MSRA: variants seen among roughly 807,000 people sequenced by gnomAD.
The protein encoded by MSRA is mitochondrial peptide methionine sulfoxide reductase.
A neutral mutation model predicts 31.3 loss-of-function variants in MSRA; 54 were observed. The observed-to-expected ratio is 1.73, with a 90% CI of 1.39 to 2.17. The LOEUF (loss-of-function observed/expected upper bound fraction) is 2.17, where lower values mean the gene tolerates loss of function less well. Ranked by LOEUF, MSRA falls within the 30% of genes most tolerant of loss-of-function variation. The probability of loss-of-function intolerance (pLI) is 0.00; values close to 1 mark genes in which losing one functional copy is unlikely to be tolerated. For missense variants in MSRA, 507 were observed against 300.9 expected, an observed-to-expected ratio of 1.69 and a Z score of -5.07; for synonymous variants, 169 against 116.5, an observed-to-expected ratio of 1.45 and a Z score of -2.90.
intron 3 of MSRA, among the ~76,000 whole-genome samples, chr8:10,267,590 T>C (rs930051881): frequency 5.3e-5 from 8 of 152,134 alleles, no homozygotes; most frequent in African/African-American, 1.9e-4. Context: ...GTATTTAGCC[T>C]TCCATTGTGC....
At chr8:10,322,760 C>T (rs1802119680) in intron 5 of MSRA, among the ~76,000 whole-genome samples, 1 of 152,048 alleles carries the variant, frequency 6.6e-6, no homozygotes, top group African/African-American at 2.4e-5. Flanking sequence ...AATGAAACCC[C>T]AGTTGCTGAT....
At chr8:10,378,774 G>C (rs964675168) in intron 5 of MSRA, among the ~76,000 whole-genome samples, 12 of 152,228 alleles carry the variant, frequency 7.9e-5, no homozygotes, top group Admixed American at 2.0e-4. Context: ...CTGGGGGTGA[G>C]GCCCAGTAAT....
chr8:10,229,072 C>T (rs77153008), intron 2 of MSRA, among the ~76,000 whole-genome samples: 2 of 152,232 alleles, frequency 1.3e-5, no homozygotes, highest in Admixed American at 6.5e-5. Flanking sequence ...CATTCTATGA[C>T]CAAGTGAGAT....
At chr8:10,332,347 ATT>A (rs869107876) in intron 5 of MSRA, among the ~76,000 whole-genome samples, 1 of 152,070 alleles carries the variant, frequency 6.6e-6, no homozygotes, top group Non-Finnish European at 1.5e-5. Flanking sequence ...TCTTTAAAAA[ATT>A]TTTTTTATCT....
intron 1 of MSRA, among the ~76,000 whole-genome samples, chr8:10,194,521 A>T (rs1023040521): frequency 7.2e-5 from 11 of 152,238 alleles, no homozygotes; most frequent in Non-Finnish European, 8.8e-5. Context: ...AGCCAAGATC[A>T]TGCTAATGCA....
chr8:10,371,644 C>G (rs1285729557), intron 5 of MSRA, among the ~76,000 whole-genome samples: 1 of 152,144 alleles, frequency 6.6e-6, no homozygotes, highest in African/African-American at 2.4e-5. Flanking sequence ...AGAGTCCTTT[C>G]CCTCCACCTA....
intron 5 of MSRA, among the ~76,000 whole-genome samples, chr8:10,423,965 AG>A (rs1160660101): frequency 2.6e-5 from 4 of 152,240 alleles, no homozygotes; most frequent in Non-Finnish European, 4.4e-5. Flanking sequence ...CCCCGAGATG[AG>A]GGAGAGACAC....
intron 4 of MSRA, among the ~76,000 whole-genome samples, chr8:10,316,569 T>TCTCTCTCTCC (rs1801736919): frequency 3.5e-5 from 5 of 144,820 alleles, no homozygotes; most frequent in Non-Finnish European, 1.5e-5. Context: ...TCTCTCTCTC[T>TCTCTCTCTCC]CTCTCCTTCC....
At chr8:10,350,623 C>G (rs1457739437) in intron 5 of MSRA, among the ~76,000 whole-genome samples, 1 of 152,236 alleles carries the variant, frequency 6.6e-6, no homozygotes, top group Non-Finnish European at 1.5e-5. Context: ...AAATAGCTCT[C>G]AAATTTGCAG....
intron 5 of MSRA, among the ~76,000 whole-genome samples, chr8:10,390,402 G>A (rs774606167): frequency 6.6e-6 from 1 of 152,174 alleles, no homozygotes; most frequent in African/African-American, 2.4e-5. Context: ...CACTGACCTA[G>A]GCTCCATGTC....
chr8:10,209,812 A>G (rs926708582), intron 2 of MSRA, among the ~76,000 whole-genome samples: 2 of 152,234 alleles, frequency 1.3e-5, no homozygotes, highest in African/African-American at 4.8e-5. Context: ...CATGGCCAGC[A>G]TGTGTGGTTT....
At chr8:10,320,903 A>C (rs1327852752) in intron 5 of MSRA, among the ~76,000 whole-genome samples, 1 of 152,200 alleles carries the variant, frequency 6.6e-6, no homozygotes, top group Non-Finnish European at 1.5e-5. Context: ...ATATTGGCTT[A>C]GTGCTAACCC....
intron 1 of MSRA, among the ~76,000 whole-genome samples, chr8:10,090,858 G>C (rs759769968): frequency 2.6e-5 from 4 of 152,178 alleles, no homozygotes; most frequent in African/African-American, 2.4e-5. Context: ...CATTGCATGC[G>C]TCAGTGCTTC....
chr8:10,099,536 C>T (rs904408136), intron 1 of MSRA, among the ~76,000 whole-genome samples: 2 of 152,218 alleles, frequency 1.3e-5, no homozygotes, highest in Admixed American at 1.3e-4. Flanking sequence ...GGGACTGGTA[C>T]ACAATGGCCA....
intron 5 of MSRA, among the ~76,000 whole-genome samples, chr8:10,395,670 A>G (rs1459600080): frequency 6.6e-6 from 1 of 152,038 alleles, no homozygotes; most frequent in East Asian, 1.9e-4. Flanking sequence ...TTTATAATGA[A>G]ATGCTGAGAA....
chr8:10,297,191 T>G lies in MSRA; in HGVS notation c.332-4343T>G, dbSNP rs528458898. Among the ~76,000 whole-genome samples the G allele has an allele frequency of 2.0e-3, 299 of 152,292 alleles. 2 individuals are homozygous for G. The highest frequency in any genetic ancestry group is 2.2e-3 in the Non-Finnish European group (147 of 68,016). ...GCCCCAGGTCATGCTTGTATGTCTCTTCTTGGATTGGATGCTTCGTCTAAT... is the reference window on the plus strand; with the variant it reads ...GCCCCAGGTCATGCTTGTATGTCTCGTCTTGGATTGGATGCTTCGTCTAAT... On this transcript the variant is annotated intron_variant, in intron 3 of 5. Transcript: ENST00000317173.
intron 2 of MSRA, among the ~76,000 whole-genome samples, chr8:10,240,756 A>G (rs1243669275): frequency 6.6e-6 from 1 of 152,084 alleles, no homozygotes; most frequent in East Asian, 1.9e-4. Flanking sequence ...TGGCCACTCT[A>G]GAGTAAGGCT....
intron 5 of MSRA, chr8:10,326,544 A>T (rs1416799961): frequency 6.6e-6 from 1 of 152,194 alleles, no homozygotes; most frequent in South Asian, 2.1e-4. Flanking sequence ...GGGTTTGCTG[A>T]CCTTGAACAT....
intron 5 of MSRA, among the ~76,000 whole-genome samples, chr8:10,425,205 T>A (rs1423742856): frequency 6.6e-6 from 1 of 152,186 alleles, no homozygotes; most frequent in East Asian, 1.9e-4. Flanking sequence ...GCCACGCTCA[T>A]CGCAGGCCGG....
Sources: allele counts gnomAD v4.1 joint callset (sites outside exome capture counted in the v4.1 genomes callset), GRCh38; gene constraint gnomAD v4.1.1; transcripts MANE v1.5; gene names NCBI Gene and HGNC (gene_info 2026-07-23, HGNC 2026-07-21).